The following RAP1A variants were observed in gnomAD, a reference collection of about 807,000 sequenced individuals.
RAP1A encodes RAP1A, member of RAS oncogene family.
RAP1A carries 6 observed loss-of-function variants against 26.4 expected under a neutral mutation model. That is an observed-to-expected ratio of 0.23 (90% confidence interval 0.12 to 0.45). The LOEUF (loss-of-function observed/expected upper bound fraction) is 0.45, where lower values mean the gene tolerates loss of function less well. Ranked by LOEUF, RAP1A falls within the 20% of genes least tolerant of loss-of-function variation. The pLI is 0.99. For synonymous variants in RAP1A, 73 were observed against 79.4 expected (o/e 0.92, Z 0.43); for missense variants, 121 against 217.2 (o/e 0.56, Z 2.78).
At chr1:111,649,473 G>A (rs554331355) in intron 1 of RAP1A, 6 of 314,964 alleles carry the variant, frequency 1.9e-5, no homozygotes, top group East Asian at 7.8e-5. Context: ...CTGGCCAGGC[G>A]CCATAGCTGG....
intron 1 of RAP1A, chr1:111,648,692 TG>T: frequency 1.8e-6 from 1 of 558,128 alleles, no homozygotes; most frequent in South Asian, 1.6e-5. Context: ...GTCTCAGCTC[TG>T]TGAGCGTCAT....
chr1:111,576,982 G>C (rs1232747858), intron 1 of RAP1A, among the ~76,000 whole-genome samples: 1 of 152,160 alleles, frequency 6.6e-6, no homozygotes, highest in Non-Finnish European at 1.5e-5. Context: ...ACCACACACA[G>C]GTCAGACTTT....
Position 111,582,169 on chromosome 1 carries a change from T to C in RAP1A, c.-28+39660T>C, listed in dbSNP as rs374329976. Among the ~76,000 whole-genome samples, 6 of 152,314 alleles carry C rather than the reference T, an allele frequency of 3.9e-5. No homozygotes were observed. The East Asian group carries it at 1.2e-3, about 29-fold the overall frequency. On this transcript the variant is annotated intron_variant, in intron 1 of 7. Transcript: ENST00000356415. The stretch of plus-strand genomic sequence containing the variant: ...AAACAAAGAGAGGGGAAGAGAGGAC[T>C]GGGCATTCCAGATATTATGGAGCAC...
intron 1 of RAP1A, among the ~76,000 whole-genome samples, chr1:111,657,645 C>T (rs970932959): frequency 2.6e-5 from 4 of 152,016 alleles, no homozygotes; most frequent in Non-Finnish European, 5.9e-5. Context: ...TATGGTGGGG[C>T]CCAACTCTTC....
chr1:111,634,591 CTTTACA>C (rs1659670153), intron 1 of RAP1A, among the ~76,000 whole-genome samples: 1 of 149,934 alleles, frequency 6.7e-6, no homozygotes, highest in East Asian at 1.9e-4. Context: ...CTTTTATGAA[CTTTACA>C]TTTATATATA....
chr1:111,663,106 G>T (rs1234018297), intron 1 of RAP1A, among the ~76,000 whole-genome samples: 1 of 152,150 alleles, frequency 6.6e-6, no homozygotes, highest in Non-Finnish European at 1.5e-5. Context: ...TAGAGACAGG[G>T]TTTCACCATG....
At chr1:111,597,588 T>G (rs543030480) in intron 1 of RAP1A, among the ~76,000 whole-genome samples, 1 of 152,366 alleles carries the variant, frequency 6.6e-6, no homozygotes, top group South Asian at 2.1e-4. Flanking sequence ...GAAAAAGCGA[T>G]ATTTAAAAAA....
chr1:111,587,833 T>C (rs1204556456), intron 1 of RAP1A, among the ~76,000 whole-genome samples: 1 of 152,230 alleles, frequency 6.6e-6, no homozygotes, highest in African/African-American at 2.4e-5. Context: ...CAGTATTTAA[T>C]GCTGTGAAAT....
At chr1:111,653,951 CATAAG>C (rs1333325453) in intron 1 of RAP1A, among the ~76,000 whole-genome samples, 4 of 152,216 alleles carry the variant, frequency 2.6e-5, no homozygotes, top group East Asian at 1.9e-4. Context: ...ATTATTTTGA[CATAAG>C]AGAAGTGGCA....
intron 4 of RAP1A, among the ~76,000 whole-genome samples, chr1:111,698,026 G>A (rs1264696946): frequency 1.3e-5 from 2 of 152,030 alleles, no homozygotes; most frequent in African/African-American, 4.8e-5. Flanking sequence ...TTTGTGATAA[G>A]CAAATGAGTT....
At chr1:111,711,066 A>C (rs1044396211) in intron 7 of RAP1A, among the ~76,000 whole-genome samples, 1 of 152,226 alleles carries the variant, frequency 6.6e-6, no homozygotes, top group Non-Finnish European at 1.5e-5. Flanking sequence ...TCCTGACCTC[A>C]GGTGATCCGA....
At chr1:111,687,325 A>G (rs1386149537) in intron 1 of RAP1A, among the ~76,000 whole-genome samples, 1 of 151,234 alleles carries the variant, frequency 6.6e-6, no homozygotes, top group African/African-American at 2.4e-5. Flanking sequence ...CTCCTGCCTC[A>G]GCCTCCCAAG....
At chr1:111,675,795 A>C (rs945296671) in intron 1 of RAP1A, among the ~76,000 whole-genome samples, 1 of 152,216 alleles carries the variant, frequency 6.6e-6, no homozygotes, top group Non-Finnish European at 1.5e-5. Flanking sequence ...CATACCCAAG[A>C]CTGGGCAAAA....
intron 1 of RAP1A, among the ~76,000 whole-genome samples, chr1:111,641,659 G>T (rs1376129909): frequency 6.6e-6 from 1 of 152,082 alleles, no homozygotes; most frequent in African/African-American, 2.4e-5. Context: ...GCGCGCGCAT[G>T]CACATAGGTC....
At chr1:111,664,373 C>CAAA (rs57610280) in intron 1 of RAP1A, among the ~76,000 whole-genome samples, 42 of 89,834 alleles carry the variant, frequency 4.7e-4, no homozygotes, top group East Asian at 7.9e-4. Flanking sequence ...GACTCCGTCT[C>CAAA]AAAAAAAAAA....
chr1:111,626,975 A>G (rs1317782432), intron 1 of RAP1A, among the ~76,000 whole-genome samples: 2 of 152,202 alleles, frequency 1.3e-5, no homozygotes, highest in African/African-American at 2.4e-5. Flanking sequence ...GCTGCTGGGC[A>G]TAATAGAAGC....
chr1:111,709,325 CT>C, intron 7 of RAP1A, 61 bp downstream of exon 7: 1 of 1,441,528 alleles, frequency 6.9e-7, no homozygotes, highest in Non-Finnish European at 9.2e-7. Flanking sequence ...TTTTTCCAGA[CT>C]TTAGCTACTT....
rs74109816 is a variant in RAP1A at position 111,586,860 on chromosome 1, C to T, written c.-28+44351C>T. ...ACTGCACTGCAGTCTTGAATCACCACGGCTGGCTAAAATCATGGCGACCCA... is the reference window on the plus strand; with the variant it reads ...ACTGCACTGCAGTCTTGAATCACCATGGCTGGCTAAAATCATGGCGACCCA... On this transcript the variant is annotated intron_variant, in intron 1 of 7. Transcript: ENST00000356415. Among the ~76,000 whole-genome samples the T allele has an allele frequency of 3.7e-3, 560 of 152,278 alleles. 2 individuals carry two copies. Among genetic ancestry groups the T allele is most frequent in the African/African-American group, 0.012 (514 of 41,548 alleles).
rs574261707 is a variant in RAP1A, at chr1:111,683,941, C to T, written c.-27-7393C>T. On this transcript the variant is annotated intron_variant, in intron 1 of 7. Transcript: ENST00000369709. The stretch of plus-strand genomic sequence containing the variant: ...AATACTGGCAAACTGAATCCAGCAA[C>T]GCATCAAAAACCTTATCCACTGCGA... Among the ~76,000 whole-genome samples the T allele has an allele frequency of 2.9e-3, 440 of 152,298 alleles. 3 individuals carry two copies. Among genetic ancestry groups the T allele is most frequent in the Non-Finnish European group, 2.6e-3 (175 of 68,036 alleles).
Sources: gnomAD v4.1 joint callset for allele counts (sites outside exome capture counted in the v4.1 genomes callset) on GRCh38, gnomAD v4.1.1 for gene constraint, MANE v1.5 for transcripts, NCBI Gene and HGNC (gene_info 2026-07-23, HGNC 2026-07-21) for gene names.